MORC1: variants seen among roughly 807,000 people sequenced by gnomAD.
MORC1 encodes the protein MORC family CW-type zinc finger protein 1.
Under a neutral mutation model 134.9 loss-of-function variants are expected in MORC1, and 59 were observed. The ratio of observed to expected loss-of-function variants is 0.44; its 90% CI spans 0.35 to 0.54. The LOEUF (loss-of-function observed/expected upper bound fraction) is 0.54. Among genes scored for constraint, MORC1 ranks in the 20% least tolerant of loss-of-function variants. MORC1 has a pLI of 0.00. For missense variants in MORC1, 947 were observed against 1,134.5 expected (o/e 0.83, Z 2.37); for synonymous variants, 395 against 391.7 (o/e 1.01, Z -0.10).
intron 11 of MORC1, among the ~76,000 whole-genome samples, chr3:109,060,286 A>G (rs867313355): frequency 6.6e-6 from 1 of 152,012 alleles, no homozygotes. Flanking sequence ...ATAATTGAGA[A>G]ATTTTGTTAG....
chr3:108,975,539 T>C (rs944456132), intron 24 of MORC1, among the ~76,000 whole-genome samples: 3 of 152,166 alleles, frequency 2.0e-5, no homozygotes, highest in Non-Finnish European at 4.4e-5. Flanking sequence ...GCAAGGACTG[T>C]GAGGTCAGAT....
chr3:109,078,185 A>T (rs576784274), intron 8 of MORC1, among the ~76,000 whole-genome samples: 1 of 152,236 alleles, frequency 6.6e-6, no homozygotes, highest in East Asian at 1.9e-4. Flanking sequence ...GAAGAAAAAA[A>T]GACATGGAAG....
intron 17 of MORC1, among the ~76,000 whole-genome samples, chr3:109,025,375 TTTTC>T (rs1430902483): frequency 1.5e-5 from 2 of 132,694 alleles, no homozygotes; most frequent in Non-Finnish European, 3.3e-5. Flanking sequence ...TCTTTTTCTT[TTTTC>T]TTTTTTTTTT....
chr3:109,093,610 A>G, intron 7 of MORC1, 69 bp from the exon 8 acceptor site: 2 of 1,125,742 alleles, frequency 1.8e-6, no homozygotes, highest in Non-Finnish European at 2.6e-6. Context: ...TTGTGCTATC[A>G]TTTCATCTAT....
chr3:109,101,897 C>T (rs1199213756), intron 4 of MORC1, among the ~76,000 whole-genome samples: 7 of 152,158 alleles, frequency 4.6e-5, no homozygotes, highest in African/African-American at 1.2e-4. Context: ...TTGGTACAGA[C>T]ATGGTATAGC....
At chr3:109,082,178 T>C (rs1296795595) in intron 8 of MORC1, among the ~76,000 whole-genome samples, 3 of 151,494 alleles carry the variant, frequency 2.0e-5, no homozygotes, top group Non-Finnish European at 4.4e-5. Context: ...GATGATTTAC[T>C]AGAGCCAAGG....
intron 17 of MORC1, among the ~76,000 whole-genome samples, chr3:109,008,718 T>C (rs1658722252): frequency 6.6e-6 from 1 of 152,116 alleles, no homozygotes; most frequent in African/African-American, 2.4e-5. Context: ...GATAACTATA[T>C]ATAATATTTT....
intron 10 of MORC1, 38 bp downstream of exon 10, chr3:109,063,114 C>G (rs761459011): frequency 7.0e-7 from 1 of 1,437,932 alleles, no homozygotes; most frequent in Admixed American, 1.7e-5. Flanking sequence ...TGCTGAATGA[C>G]TGAACAACAA....
chr3:109,015,415 C>A (rs1410766344), intron 17 of MORC1, among the ~76,000 whole-genome samples: 1 of 152,096 alleles, frequency 6.6e-6, no homozygotes, highest in Non-Finnish European at 1.5e-5. Flanking sequence ...GTAAAGTGCA[C>A]CATATCCTTA....
In MORC1 at chr3:109,095,043, A is replaced by C. The variant is rs765812626; in HGVS notation, c.449T>G (p.Leu150Ter). 5 of 1,589,656 alleles carry C rather than the reference A, an allele frequency of 3.1e-6. No homozygotes were observed. In the African/African-American group the frequency reaches 6.8e-5, roughly 22 times the overall value. Reference protein sequence around the residue: ...SEVVVPMPSWLIRTRESVTDD... With the variant: ...SEVVVPMPSW ...TGTGACAGATTCTCTGGTTCTTATT[A>C]ACCATGAGGGCATTGGAACTACAAC... The change falls in exon 7 of 28, where the codon TTA (leucine) becomes TGA (stop). Residue 150 changes from leucine (L) to a stop codon, truncating the protein, a stop_gained. Transcript: ENST00000232603. LOFTEE classifies it high-confidence loss of function.
At chr3:109,076,025 C>T (rs1950413240) in intron 8 of MORC1, among the ~76,000 whole-genome samples, 1 of 152,018 alleles carries the variant, frequency 6.6e-6, no homozygotes, top group Non-Finnish European at 1.5e-5. Context: ...GCAAAAGAAA[C>T]TATCATCAGA....
At chr3:109,031,165 G>C (rs750355511) in intron 16 of MORC1, among the ~76,000 whole-genome samples, 3 of 152,148 alleles carry the variant, frequency 2.0e-5, no homozygotes, top group Admixed American at 1.3e-4. Context: ...AGGTCTGAGA[G>C]TGCCCAAGAC....
intron 26 of MORC1, 119 bp from the exon 27 acceptor site, chr3:108,963,727 T>A: frequency 1.5e-6 from 1 of 674,288 alleles, no homozygotes; most frequent in Non-Finnish European, 2.4e-6. Flanking sequence ...ACTTCGTAGG[T>A]GGTCTAAATT....
chr3:109,097,812 T>C (rs1226609318), intron 6 of MORC1, among the ~76,000 whole-genome samples: 1 of 152,180 alleles, frequency 6.6e-6, no homozygotes, highest in African/African-American at 2.4e-5. Context: ...AGTTGATGGC[T>C]TGGTATAATT....
At chr3:108,967,161 C>T (rs1332011442) in intron 26 of MORC1, among the ~76,000 whole-genome samples, 1 of 152,152 alleles carries the variant, frequency 6.6e-6, no homozygotes, top group Non-Finnish European at 1.5e-5. Context: ...ACTTGTCCTG[C>T]ATGTTAAGGG....
intron 14 of MORC1, among the ~76,000 whole-genome samples, chr3:109,048,006 C>T (rs1949735232): frequency 6.6e-6 from 1 of 152,176 alleles, no homozygotes; most frequent in Non-Finnish European, 1.5e-5. Flanking sequence ...CAAAAAGCCA[C>T]ATCTGAATGG....
chr3:108,975,049 T>C (rs1947511323), intron 24 of MORC1, among the ~76,000 whole-genome samples: 1 of 152,174 alleles, frequency 6.6e-6, no homozygotes, highest in South Asian at 2.1e-4. Context: ...ACAAAATAAT[T>C]TTTACTAAGA....
intron 8 of MORC1, among the ~76,000 whole-genome samples, chr3:109,076,042 A>G (rs887171851): frequency 1.3e-5 from 2 of 152,182 alleles, no homozygotes; most frequent in African/African-American, 4.8e-5. Context: ...CAGAGTGAAC[A>G]GGCAACCTAC....
At chr3:109,067,872 A>G (rs1384034616) in intron 9 of MORC1, among the ~76,000 whole-genome samples, 1 of 152,178 alleles carries the variant, frequency 6.6e-6, no homozygotes, top group Non-Finnish European at 1.5e-5. Flanking sequence ...TAATATCTTT[A>G]TGAGTGATAG....
Sources: gnomAD v4.1 joint callset for allele counts (sites outside exome capture counted in the v4.1 genomes callset) on GRCh38, gnomAD v4.1.1 for gene constraint, MANE v1.5 for transcripts, NCBI Gene and HGNC (gene_info 2026-07-23, HGNC 2026-07-21) for gene names.